FLACC1: variants seen among roughly 807,000 people sequenced by gnomAD.
FLACC1 encodes the protein flagellum-associated coiled-coil domain-containing protein 1.
A neutral mutation model predicts 62.8 loss-of-function variants in FLACC1; 66 were observed. The observed-to-expected ratio is 1.05, with a 90% CI of 0.86 to 1.29. FLACC1 has a LOEUF of 1.29. Among genes scored for constraint, FLACC1 ranks in the 50% most tolerant of loss-of-function variants. FLACC1 has a pLI of 0.00. For synonymous variants in FLACC1, 156 were observed against 161.0 expected (o/e 0.97, Z 0.24); for missense variants, 452 against 489.1 (o/e 0.92, Z 0.71).
intron 8 of FLACC1, 42 bp downstream of exon 8, chr2:201,330,694 T>C (rs756313851): frequency 1.3e-6 from 2 of 1,598,418 alleles, no homozygotes; most frequent in Non-Finnish European, 1.7e-6. Context: ...TGCCATTGCC[T>C]GGACCTTCAT....
At chr2:201,354,476 A>T (rs563431387) in intron 1 of FLACC1, among the ~76,000 whole-genome samples, 1 of 152,266 alleles carries the variant, frequency 6.6e-6, no homozygotes, top group Non-Finnish European at 1.5e-5. Flanking sequence ...AGTCCAGGAG[A>T]CTGGCTAAAC....
At chr2:201,320,011 G>C (rs1950373784) in intron 9 of FLACC1, among the ~76,000 whole-genome samples, 1 of 152,212 alleles carries the variant, frequency 6.6e-6, no homozygotes, top group African/African-American at 2.4e-5. Context: ...TGTGGACCCT[G>C]AAAGTCCAGA....
chr2:201,292,196 A>G (rs1274432026), intron 12 of FLACC1, among the ~76,000 whole-genome samples: 1 of 152,208 alleles, frequency 6.6e-6, no homozygotes, highest in African/African-American at 2.4e-5. Flanking sequence ...ATACTCCTCG[A>G]GAAGAGCAAC....
At chr2:201,299,095 G>T in intron 12 of FLACC1, 143 bp downstream of exon 12, 1 of 744,102 alleles carries the variant, frequency 1.3e-6, no homozygotes, top group Non-Finnish European at 2.2e-6. Flanking sequence ...TTAACTTATT[G>T]AATCCAGTAA....
chr2:201,295,778 T>C (rs551654624), intron 12 of FLACC1, among the ~76,000 whole-genome samples: 2 of 152,176 alleles, frequency 1.3e-5, no homozygotes, highest in Non-Finnish European at 2.9e-5. Context: ...AAAGGGTTAA[T>C]ATTCCAGAAT....
intron 2 of FLACC1, among the ~76,000 whole-genome samples, chr2:201,351,030 T>G (rs1951017799): frequency 6.6e-6 from 1 of 152,176 alleles, no homozygotes; most frequent in East Asian, 1.9e-4. Flanking sequence ...GCAGCTGCCA[T>G]CAGGGCCCTT....
At chr2:201,318,914 A>G (rs1339281097) in intron 9 of FLACC1, among the ~76,000 whole-genome samples, 1 of 149,816 alleles carries the variant, frequency 6.7e-6, no homozygotes, top group Non-Finnish European at 1.5e-5. Context: ...AGGCATAAGA[A>G]TAACACAATG....
chr2:201,332,967 C>T lies in FLACC1; in HGVS notation c.525-2134G>A, dbSNP rs536318384. On this transcript the variant is annotated intron_variant, in intron 7 of 14. Transcript: ENST00000392257. ...CTTTATCCATTGATCAACTGATGGA[C>T]ACTTAAGTTGATTCCATAACTTGGA... 6.6e-5 allele frequency among the ~76,000 whole-genome samples: 10 copies of T among 152,266 alleles called. No individual in the cohort carries two copies. The South Asian group carries it at 8.3e-4, about 13-fold the overall frequency.
At chr2:201,300,982 G>A (rs1949969191) in intron 11 of FLACC1, among the ~76,000 whole-genome samples, 1 of 152,186 alleles carries the variant, frequency 6.6e-6, no homozygotes, top group Non-Finnish European at 1.5e-5. Flanking sequence ...GGAAACCAGA[G>A]CAGAATAGCT....
chr2:201,340,921 T>C (rs749940320), intron 7 of FLACC1, among the ~76,000 whole-genome samples: 1 of 152,218 alleles, frequency 6.6e-6, no homozygotes, highest in Non-Finnish European at 1.5e-5. Context: ...TTTTAATACA[T>C]CATCACACTG....
intron 9 of FLACC1, among the ~76,000 whole-genome samples, chr2:201,315,251 G>A (rs1300034520): frequency 6.6e-6 from 1 of 152,096 alleles, no homozygotes; most frequent in Non-Finnish European, 1.5e-5. Flanking sequence ...CTACTTAAAA[G>A]ATACAGAATT....
At chr2:201,327,985 G>C (rs1266619592) in intron 9 of FLACC1, among the ~76,000 whole-genome samples, 1 of 152,142 alleles carries the variant, frequency 6.6e-6, no homozygotes, top group African/African-American at 2.4e-5. Flanking sequence ...GTCATTAAAA[G>C]GAATGAAATG....
At chr2:201,338,771 G>A (rs1428636001) in intron 7 of FLACC1, among the ~76,000 whole-genome samples, 1 of 152,058 alleles carries the variant, frequency 6.6e-6, no homozygotes, top group Non-Finnish European at 1.5e-5. Flanking sequence ...ACTCGGTCAT[G>A]GTGTATTATA....
rs577561452 is a variant in FLACC1 at position 201,302,234 on chromosome 2, A to G, written c.880-2934T>C. 2.6e-5 allele frequency among the ~76,000 whole-genome samples: 4 copies of G among 152,332 alleles called. 1 individual carries two copies. In the South Asian group the frequency reaches 8.3e-4, roughly 32 times the overall value. On this transcript the variant is annotated intron_variant, in intron 11 of 14. Transcript: ENST00000392257. The stretch of plus-strand genomic sequence containing the variant: ...AGGCTCAAAATAAAAGGATGGAGTA[A>G]GATCTAACAAAAAAATGGAAAACAA...
At position 201,326,593 on chromosome 2, in the gene FLACC1, T is replaced by C. The variant is rs866407944; in HGVS notation, c.675+3877A>G. 3.3e-5 allele frequency among the ~76,000 whole-genome samples: 5 copies of C among 152,066 alleles called. No individual in the cohort carries two copies. The highest frequency in any genetic ancestry group is 7.4e-5 in the Non-Finnish European group (5 of 68,012). On this transcript the variant is annotated intron_variant, in intron 9 of 14. Coordinates refer to ENST00000392257, the MANE Select transcript of FLACC1 (RefSeq NM_001127391.3). This position sits in a 1 kb window ranked among gnomAD's most constrained non-coding sequence, Gnocchi z 4.1. ...AACAGCTACAAAAAAATAAAATACT[T>C]AGGAATGTACTTAACCAAGGAGGTG...
At chr2:201,362,150 CT>C (rs1195777968), upstream of FLACC1, among the ~76,000 whole-genome samples, 1 of 152,162 alleles carries the variant, frequency 6.6e-6, no homozygotes, top group East Asian at 1.9e-4. Flanking sequence ...AGCCCCAAAT[CT>C]TAAACCTCAT....
At chr2:201,329,500 T>C (rs1307261583) in intron 9 of FLACC1, among the ~76,000 whole-genome samples, 4 of 152,240 alleles carry the variant, frequency 2.6e-5, no homozygotes, top group African/African-American at 4.8e-5. Context: ...TCTTGTATGT[T>C]AATCACAGAC....
rs1300956857 is a variant in FLACC1, at chr2:201,326,999, G to C, written c.675+3471C>G. 6.6e-6 allele frequency among the ~76,000 whole-genome samples: 1 copy of C among 152,150 alleles called. No individual in the cohort carries two copies. The highest frequency in any genetic ancestry group is 1.9e-4 in the East Asian group (1 of 5,202). ...GCACATAGGCCAAGGAAACAGAACAGAAAACCCAGAAATGAAGCCAAATAT... is the reference window on the plus strand; with the variant it reads ...GCACATAGGCCAAGGAAACAGAACACAAAACCCAGAAATGAAGCCAAATAT... On this transcript the variant is annotated intron_variant, in intron 9 of 14. Transcript: ENST00000392257. The surrounding 1 kb of genome is among the most constrained non-coding windows in gnomAD (Gnocchi z 4.1).
Position 201,289,676 on chromosome 2 carries a change from C to A in FLACC1, c.1032+20G>T. The A allele has an allele frequency of 6.2e-7, 1 of 1,612,490 alleles. No individual in the cohort carries two copies. Among genetic ancestry groups the A allele is most frequent in the Non-Finnish European group, 8.5e-7 (1 of 1,178,922 alleles). ...TGGGTTCTTCCCCCAACCCCCATCC[C>A]CACTCCAGTAGGGACTCACCTCTTT... On this transcript the variant is annotated intron_variant, in intron 13 of 14. Transcript: ENST00000392257.
Sources: gnomAD v4.1 joint callset for allele counts (sites outside exome capture counted in the v4.1 genomes callset) on GRCh38, gnomAD v4.1.1 for gene constraint, Gnocchi (gnomAD v3.1) non-coding constraint, MANE v1.5 for transcripts, NCBI Gene and HGNC (gene_info 2026-07-23, HGNC 2026-07-21) for gene names.